LHPP: variants seen among roughly 807,000 people sequenced by gnomAD.
LHPP encodes the protein phospholysine phosphohistidine inorganic pyrophosphate phosphatase.
A neutral mutation model predicts 30.3 loss-of-function variants in LHPP; 24 were observed. That is an observed-to-expected ratio of 0.79 (90% CI 0.57 to 1.11). The LOEUF (loss-of-function observed/expected upper bound fraction) is 1.11, where lower values mean the gene tolerates loss of function less well. LHPP is among the 50% of genes most tolerant of loss of function. LHPP has a pLI of 0.00. For missense variants in LHPP, 356 were observed against 367.2 expected, an observed-to-expected ratio of 0.97 and a Z score of 0.25; for synonymous variants, 150 against 157.1, an observed-to-expected ratio of 0.95 and a Z score of 0.34.
intron 5 of LHPP, among the ~76,000 whole-genome samples, chr10:124,506,012 G>A (rs554032731): frequency 4.6e-5 from 7 of 152,272 alleles, no homozygotes; most frequent in African/African-American, 9.6e-5. Context: ...TTGGGAGGCC[G>A]AGGTGGGTGG....
Position 124,517,403 on chromosome 10 carries a change from T to G in LHPP, c.716+132T>G, listed in dbSNP as rs1564805187. The G allele has an allele frequency of 1.4e-5, 8 of 578,726 alleles. No individual in the cohort carries two copies. The highest frequency in any genetic ancestry group is 1.2e-5 in the Non-Finnish European group (4 of 339,164). 35.8% of individuals were successfully genotyped at this position (578,726 alleles called of 1,614,324 possible). A position where few individuals can be genotyped will look rare whatever the true frequency, so the allele number is the denominator to read the frequency against. ...AGCAGTATGTGGGCATTCACTATCT[T>G]GTATGTAATGGACCTCTAAGAACAG... On this transcript the variant is annotated intron_variant, in intron 6 of 6. Coordinates refer to ENST00000368842, the MANE Select transcript of LHPP (RefSeq NM_022126.4). The surrounding 1 kb of genome is among the most constrained non-coding windows in gnomAD (Gnocchi z 4.1).
At chr10:124,499,345 T>G (rs1953834352) in intron 5 of LHPP, among the ~76,000 whole-genome samples, 1 of 151,672 alleles carries the variant, frequency 6.6e-6, no homozygotes, top group African/African-American at 2.4e-5. Flanking sequence ...TTCTGAAAGA[T>G]TGTAAGGAAT....
chr10:124,590,136 C>G lies in LHPP; in HGVS notation c.717-23128C>G, dbSNP rs906799390. Among the ~76,000 whole-genome samples, 10 of 152,192 alleles carry G rather than the reference C, an allele frequency of 6.6e-5. No homozygotes were observed. The highest frequency in any genetic ancestry group is 1.2e-4 in the Non-Finnish European group (8 of 68,020). On this transcript the variant is annotated intron_variant, in intron 6 of 6. Transcript: ENST00000368842. This position sits in a 1 kb window ranked among gnomAD's most constrained non-coding sequence, Gnocchi z 4.3. Reference sequence around the variant, plus strand: ...CAGCTCATTCGATTCGTTCATGTGACGTCCTCCCTCTCCCAATCCCTGTCT... The same window carrying G: ...CAGCTCATTCGATTCGTTCATGTGAGGTCCTCCCTCTCCCAATCCCTGTCT...
chr10:124,540,755 G>A (rs1955164024), intron 6 of LHPP, among the ~76,000 whole-genome samples: 1 of 151,972 alleles, frequency 6.6e-6, no homozygotes. Flanking sequence ...GAGGCCCCGG[G>A]ACCCCAAAGG....
At chr10:124,599,977 G>T (rs188301027) in intron 6 of LHPP, among the ~76,000 whole-genome samples, 84 of 152,358 alleles carry the variant, frequency 5.5e-4, no homozygotes, top group African/African-American at 1.9e-3. Flanking sequence ...ACAGGGCAGG[G>T]ATCTCTGAGT....
chr10:124,581,397 A>G (rs764883131), intron 6 of LHPP, among the ~76,000 whole-genome samples: 10 of 152,176 alleles, frequency 6.6e-5, no homozygotes, highest in Non-Finnish European at 1.3e-4. Flanking sequence ...ATAGGTCTTC[A>G]TTTCTCTTGA....
chr10:124,483,121 C>T (rs2361619), intron 1 of LHPP, among the ~76,000 whole-genome samples: 26,266 of 152,046 alleles, frequency 0.17, 2,603 homozygotes, highest in African/African-American at 0.26. Flanking sequence ...TCGGTGCCGC[C>T]GGCCAGTGGC....
At chr10:124,529,022 GATTCTTTT>G (rs1564811788) in intron 6 of LHPP, among the ~76,000 whole-genome samples, 3 of 127,516 alleles carry the variant, frequency 2.4e-5, no homozygotes, top group Non-Finnish European at 3.2e-5. Context: ...GAATTTGGGG[GATTCTTTT>G]TTTTTTTTTT....
At chr10:124,556,404 C>A (rs1306637868) in intron 6 of LHPP, among the ~76,000 whole-genome samples, 1 of 152,232 alleles carries the variant, frequency 6.6e-6, no homozygotes, top group African/African-American at 2.4e-5. Context: ...GTGGACGCAT[C>A]CTAAACAGTC....
intron 1 of LHPP, among the ~76,000 whole-genome samples, chr10:124,477,261 T>A (rs1288165610): frequency 6.6e-6 from 1 of 152,154 alleles, no homozygotes; most frequent in Non-Finnish European, 1.5e-5. Flanking sequence ...GTGCTGCACC[T>A]GCATCTCTTT....
intron 1 of LHPP, among the ~76,000 whole-genome samples, chr10:124,479,492 T>C (rs912660039): frequency 1.3e-5 from 2 of 152,220 alleles, no homozygotes; most frequent in African/African-American, 4.8e-5. Context: ...ACAAGTGCCA[T>C]TGACTGGGGA....
At chr10:124,520,207 G>T (rs1316266497) in intron 6 of LHPP, among the ~76,000 whole-genome samples, 1 of 151,928 alleles carries the variant, frequency 6.6e-6, no homozygotes, top group African/African-American at 2.4e-5. Context: ...ATGTATCATG[G>T]GGGTTTATTG....
intron 5 of LHPP, among the ~76,000 whole-genome samples, chr10:124,500,149 C>T (rs982724049): frequency 4.6e-5 from 7 of 151,922 alleles, no homozygotes; most frequent in African/African-American, 1.7e-4. Context: ...TTGCCACATT[C>T]CTTTCTTCTA....
chr10:124,585,298 TTTTC>T (rs956156802), intron 6 of LHPP, among the ~76,000 whole-genome samples: 12 of 152,306 alleles, frequency 7.9e-5, no homozygotes, highest in Non-Finnish European at 1.2e-4. Context: ...CTGTTAGATT[TTTTC>T]TTTCTTTCTT....
At chr10:124,471,484 ATATATT>A (rs1952745843) in intron 1 of LHPP, among the ~76,000 whole-genome samples, 1 of 1,976 alleles carries the variant, frequency 5.1e-4, no homozygotes, top group African/African-American at 6.2e-4. Context: ...ATATATATTT[ATATATT>A]TATATATATT....
rs1953158226 is a variant in LHPP, at chr10:124,482,149, A to G, written c.126-1990A>G. Among the ~76,000 whole-genome samples the G allele has an allele frequency of 2.0e-5, 3 of 152,218 alleles. No individual in the cohort carries two copies. In the South Asian group the frequency reaches 6.2e-4, roughly 32 times the overall value. ...GTTGGGTCTCACTTGCTCAGATGGA[A>G]GTTGATTTCAAGCCGTAGTTCTAGT... On this transcript the variant is annotated intron_variant, in intron 1 of 6. Transcript: ENST00000368842.
At chr10:124,508,242 T>C (rs1954210336) in intron 5 of LHPP, among the ~76,000 whole-genome samples, 1 of 152,150 alleles carries the variant, frequency 6.6e-6, no homozygotes, top group African/African-American at 2.4e-5. Flanking sequence ...CTCTGTTGGC[T>C]GAGCCCCACC....
chr10:124,549,092 A>G (rs1274091496), intron 6 of LHPP, among the ~76,000 whole-genome samples: 3 of 152,232 alleles, frequency 2.0e-5, no homozygotes, highest in African/African-American at 7.2e-5. Flanking sequence ...AAATCTAATT[A>G]GATTTTTCCC....
rs1254263837 is a variant in LHPP at position 124,523,167 on chromosome 10, G to A, written c.716+5896G>A. On this transcript the variant is annotated intron_variant, in intron 6 of 6. Coordinates refer to ENST00000368842, the MANE Select transcript of LHPP (RefSeq NM_022126.4). This position sits in a 1 kb window ranked among gnomAD's most constrained non-coding sequence, Gnocchi z 4.2. Reference sequence around the variant, plus strand: ...GGTCTTCTCTTATTGTTTACCCAAGGCTGGCAGATGTTTTATAAGCCCCGA... The same window carrying A: ...GGTCTTCTCTTATTGTTTACCCAAGACTGGCAGATGTTTTATAAGCCCCGA... Among the ~76,000 whole-genome samples, 1 of 152,248 alleles carries A rather than the reference G, an allele frequency of 6.6e-6. No homozygotes were observed. The highest frequency in any genetic ancestry group is 1.5e-5 in the Non-Finnish European group (1 of 68,046).
Sources: gnomAD v4.1 joint callset for allele counts (sites outside exome capture counted in the v4.1 genomes callset) on GRCh38, gnomAD v4.1.1 for gene constraint, Gnocchi (gnomAD v3.1) non-coding constraint, MANE v1.5 for transcripts, NCBI Gene and HGNC (gene_info 2026-07-23, HGNC 2026-07-21) for gene names.